The following RNF111 variants were observed in gnomAD, a reference collection of about 807,000 sequenced individuals.
The protein encoded by RNF111 is ring finger protein 111.
Under a neutral mutation model 95.1 loss-of-function variants are expected in RNF111, and 17 were observed. The observed-to-expected ratio is 0.18, with a 90% CI of 0.12 to 0.27. The LOEUF is 0.27. RNF111 is among the 10% of genes least tolerant of loss of function. The pLI, the probability that RNF111 is intolerant of heterozygous loss-of-function variation, is 1.00. For missense variants in RNF111, 1,189 were observed against 1,210.4 expected (o/e 0.98, Z 0.26); for synonymous variants, 440 against 414.8 (o/e 1.06, Z -0.74).
intron 1 of RNF111, among the ~76,000 whole-genome samples, chr15:59,009,628 G>C (rs1272644884): frequency 6.6e-6 from 1 of 151,948 alleles, no homozygotes; most frequent in Non-Finnish European, 1.5e-5. Context: ...GTGAGTGAGT[G>C]TCCAGAATAT....
At chr15:59,091,340 C>T (rs529602574) in intron 12 of RNF111, among the ~76,000 whole-genome samples, 186 bp downstream of exon 12, 1 of 152,192 alleles carries the variant, frequency 6.6e-6, no homozygotes, top group Non-Finnish European at 1.5e-5. Context: ...AGACCCTAGT[C>T]CTTCTTCCCA....
At chr15:59,080,522 C>G (rs1423786461) in intron 7 of RNF111, among the ~76,000 whole-genome samples, 1 of 152,158 alleles carries the variant, frequency 6.6e-6, no homozygotes, top group Non-Finnish European at 1.5e-5. Flanking sequence ...TTCTGTCCCA[C>G]AACTACTTAC....
At chr15:59,007,433 A>T (rs955976069) in intron 1 of RNF111, among the ~76,000 whole-genome samples, 2 of 152,176 alleles carry the variant, frequency 1.3e-5, no homozygotes, top group South Asian at 4.1e-4. Context: ...GCTGTTTGGT[A>T]TCCCGTTGTA....
chr15:58,992,575 T>C (rs558304469), intron 1 of RNF111, among the ~76,000 whole-genome samples: 8 of 152,252 alleles, frequency 5.3e-5, no homozygotes, highest in South Asian at 4.1e-4. Flanking sequence ...CATAGCACCT[T>C]GGGAGGCTGA....
chr15:59,023,647 T>C (rs1322490085), intron 1 of RNF111, among the ~76,000 whole-genome samples: 5 of 152,216 alleles, frequency 3.3e-5, no homozygotes, highest in African/African-American at 9.6e-5. Context: ...AAAATTACCT[T>C]CTTTTAAATA....
intron 2 of RNF111, among the ~76,000 whole-genome samples, chr15:59,034,767 A>T (rs1464252621): frequency 2.0e-5 from 3 of 152,252 alleles, no homozygotes; most frequent in Non-Finnish European, 4.4e-5. Context: ...TGGTAGAACT[A>T]GAACTTGAAC....
intron 1 of RNF111, among the ~76,000 whole-genome samples, chr15:59,024,254 T>G (rs1353231372): frequency 3.3e-5 from 5 of 152,196 alleles, no homozygotes; most frequent in African/African-American, 1.2e-4. Flanking sequence ...TTACCTAAGC[T>G]AGAAATATGG....
At chr15:59,014,301 A>G (rs2039966600) in intron 1 of RNF111, among the ~76,000 whole-genome samples, 2 of 152,152 alleles carry the variant, frequency 1.3e-5, no homozygotes, top group African/African-American at 2.4e-5. Context: ...CTGTTTTGCC[A>G]AGAAACCTTT....
intron 1 of RNF111, 131 bp downstream of exon 1, chr15:58,988,199 A>T (rs1163423905): frequency 2.0e-5 from 3 of 152,300 alleles, no homozygotes; most frequent in African/African-American, 7.2e-5. Context: ...CCGGCCGGTT[A>T]TCTCTGGCTC....
chr15:59,079,754 A>G (rs1371498069), intron 7 of RNF111, among the ~76,000 whole-genome samples: 1 of 152,162 alleles, frequency 6.6e-6, no homozygotes, highest in Non-Finnish European at 1.5e-5. Flanking sequence ...TTTGAAACAT[A>G]AAGATGTAGA....
At chr15:59,093,589 G>T in intron 13 of RNF111, 2 of 256,386 alleles carry the variant, frequency 7.8e-6, no homozygotes, top group Non-Finnish European at 1.6e-5. Context: ...CACCTTTGTT[G>T]TTTAGAAAAT....
At chr15:59,035,813 A>G (rs537927525) in intron 2 of RNF111, among the ~76,000 whole-genome samples, 74 of 152,218 alleles carry the variant, frequency 4.9e-4, no homozygotes, top group African/African-American at 1.8e-3. Flanking sequence ...CCTGGACTTT[A>G]TTGTCCATAT....
intron 2 of RNF111, among the ~76,000 whole-genome samples, chr15:59,043,091 ATTAACTACTATAAAATTCATT>A (rs1225931290): frequency 1.3e-5 from 2 of 151,892 alleles, no homozygotes; most frequent in Admixed American, 1.3e-4. Context: ...TTGAGGTATA[ATTAACTACTATAAAATTCATT>A]TTAACTATTA....
chr15:59,018,943 A>G (rs1176123093), intron 1 of RNF111, among the ~76,000 whole-genome samples: 1 of 151,558 alleles, frequency 6.6e-6, no homozygotes, highest in Non-Finnish European at 1.5e-5. Context: ...CTTTTTTTTG[A>G]GACAGCGCCA....
intron 9 of RNF111, 158 bp downstream of exon 9, chr15:59,084,412 A>G (rs1406540074): frequency 1.3e-5 from 8 of 633,252 alleles, no homozygotes; most frequent in Non-Finnish European, 1.9e-5. Context: ...AGAGGTTTGG[A>G]GAGGAAAGAA....
chr15:59,095,884 A>G lies in RNF111; in HGVS notation c.*984A>G, dbSNP rs930255538. ...CACTGGCAGGTATCTGTGCATTCAT[A>G]GAACTTATAAAGGTCCCAGGATCAC... On this transcript the variant is annotated 3_prime_UTR_variant, in exon 14 of 14. Coordinates refer to ENST00000348370, the MANE Select transcript of RNF111 (RefSeq NM_017610.8). The G allele has an allele frequency of 4.5e-5, 18 of 396,846 alleles. No individual in the cohort carries two copies. Among genetic ancestry groups the G allele is most frequent in the African/African-American group, 3.1e-4 (15 of 48,710 alleles). The allele number at this position is 396,846 out of a possible 1,614,324, so 24.6% of individuals were successfully genotyped here. A position where few individuals can be genotyped will look rare whatever the true frequency, so the allele number is the denominator to read the frequency against.
intron 1 of RNF111, among the ~76,000 whole-genome samples, chr15:58,992,657 A>T (rs1475912420): frequency 4.6e-5 from 7 of 151,806 alleles, no homozygotes; most frequent in African/African-American, 1.5e-4. Context: ...GGCTGTACCA[A>T]AAAAATACAA....
At chr15:59,024,001 T>C (rs755633906) in intron 1 of RNF111, among the ~76,000 whole-genome samples, 2 of 152,182 alleles carry the variant, frequency 1.3e-5, no homozygotes, top group Non-Finnish European at 2.9e-5. Context: ...ACCAATAATA[T>C]ATAGGAAAAA....
chr15:59,076,352 C>T (rs2078562641), intron 7 of RNF111, 137 bp downstream of exon 7: 1 of 990,580 alleles, frequency 1.0e-6, no homozygotes, highest in Admixed American at 2.6e-5. Flanking sequence ...ATATTTTTTC[C>T]CATGTTAGTA....
Sources: allele counts gnomAD v4.1 joint callset (sites outside exome capture counted in the v4.1 genomes callset), GRCh38; gene constraint gnomAD v4.1.1; transcripts MANE v1.5; gene names NCBI Gene and HGNC (gene_info 2026-07-23, HGNC 2026-07-21).